Variants in TIMM23B observed in about 807,000 individuals in gnomAD.
TIMM23B encodes the protein translocase of inner mitochondrial membrane 23 homolog B, also known as mitochondrial import inner membrane translocase subunit Tim23B.
A neutral mutation model predicts 27.3 loss-of-function variants in TIMM23B; 27 were observed. The ratio of observed to expected loss-of-function variants is 0.99; its 90% CI spans 0.73 to 1.36. The LOEUF is 1.36. Among genes scored for constraint, TIMM23B ranks in the 40% most tolerant of loss-of-function variants. The probability of loss-of-function intolerance (pLI) is 0.00; values close to 1 mark genes in which losing one functional copy is unlikely to be tolerated. For missense variants in TIMM23B, 205 were observed against 244.2 expected (o/e 0.84, Z 1.07); for synonymous variants, 73 against 92.4 (o/e 0.79, Z 1.21).
intron 1 of TIMM23B, among the ~76,000 whole-genome samples, chr10:49,943,795 AATACTGAGGT>A (rs1267672352): frequency 7.0e-6 from 1 of 142,822 alleles, no homozygotes; most frequent in African/African-American, 2.7e-5. Context: ...GAGCTTACAT[AATACTGAGGT>A]AAACCAACAA....
At chr10:49,946,167 G>T (rs1307172240) in intron 2 of TIMM23B, among the ~76,000 whole-genome samples, 1 of 148,200 alleles carries the variant, frequency 6.7e-6, no homozygotes, top group Non-Finnish European at 1.5e-5. Context: ...TCCAGCCTGG[G>T]CAACAGAGTA....
At chr10:49,950,907 C>G (rs1201634614) in intron 2 of TIMM23B, among the ~76,000 whole-genome samples, 1 of 152,172 alleles carries the variant, frequency 6.6e-6, no homozygotes, top group African/African-American at 2.4e-5. Flanking sequence ...TTCTTCTCAG[C>G]AACCATGGCC....
intron 2 of TIMM23B, 39 bp downstream of exon 2, chr10:49,945,129 C>T: frequency 6.2e-7 from 1 of 1,608,280 alleles, no homozygotes; most frequent in Non-Finnish European, 8.5e-7. Flanking sequence ...CATTATTTTA[C>T]CATTTTTAAA....
intron 5 of TIMM23B, among the ~76,000 whole-genome samples, chr10:49,956,329 G>A (rs1265624899): frequency 2.0e-5 from 3 of 151,694 alleles, no homozygotes; most frequent in Admixed American, 1.3e-4. Flanking sequence ...AGATGGCTTG[G>A]GGGAAGATAC....
chr10:49,944,873 C>G (rs1839306705), intron 1 of TIMM23B, among the ~76,000 whole-genome samples, 159 bp from the exon 2 acceptor site: 1 of 152,058 alleles, frequency 6.6e-6, no homozygotes, highest in African/African-American at 2.4e-5. Context: ...GAGTCAGCCC[C>G]CAAACTGACA....
intron 6 of TIMM23B, among the ~76,000 whole-genome samples, chr10:49,962,428 C>T (rs1376707235): frequency 6.6e-6 from 1 of 152,036 alleles, no homozygotes; most frequent in African/African-American, 2.4e-5. Context: ...TTCTCGATCC[C>T]CTGACCTCAT....
intron 2 of TIMM23B, among the ~76,000 whole-genome samples, chr10:49,948,565 A>G (rs1482252573): frequency 6.6e-6 from 1 of 152,252 alleles, no homozygotes; most frequent in Non-Finnish European, 1.5e-5. Context: ...TTATGCTACA[A>G]TATAAATGAA....
At chr10:49,967,326 A>G (rs1479007855) in intron 6 of TIMM23B, among the ~76,000 whole-genome samples, 4 of 152,244 alleles carry the variant, frequency 2.6e-5, no homozygotes, top group South Asian at 2.1e-4. Flanking sequence ...CAGTGGTGCT[A>G]TACTTAGAGT....
chr10:49,954,980 C>T (rs1165105429), intron 4 of TIMM23B, 22 bp from the exon 5 acceptor site: 45 of 1,611,690 alleles, frequency 2.8e-5, no homozygotes, highest in Non-Finnish European at 3.7e-5. Context: ...AATACAGATT[C>T]TTTCTCTTTC....
At chr10:49,943,737 G>GTTTTTTTTTTTTTT (rs35547755) in intron 1 of TIMM23B, among the ~76,000 whole-genome samples, 2 of 113,612 alleles carry the variant, frequency 1.8e-5, no homozygotes, top group East Asian at 2.4e-4. Context: ...GTTTTTGTGG[G>GTTTTTTTTTTTTTT]TTTTTTTTTT....
intron 6 of TIMM23B, among the ~76,000 whole-genome samples, chr10:49,972,042 T>G (rs1702779178): frequency 6.6e-6 from 1 of 152,238 alleles, no homozygotes; most frequent in African/African-American, 2.4e-5. Flanking sequence ...AATAAACATT[T>G]GGTTTTTATA....
intron 2 of TIMM23B, among the ~76,000 whole-genome samples, chr10:49,951,750 C>G (rs1363511788): frequency 5.3e-5 from 8 of 152,192 alleles, no homozygotes; most frequent in African/African-American, 1.9e-4. Flanking sequence ...GAAAAATGCA[C>G]AATAAATAGC....
chr10:49,964,619 G>T (rs1840053870), intron 6 of TIMM23B, among the ~76,000 whole-genome samples: 1 of 146,714 alleles, frequency 6.8e-6, no homozygotes, highest in African/African-American at 2.5e-5. Flanking sequence ...GAAATGAAAT[G>T]AAATGAAAAA....
At chr10:49,961,324 G>C (rs1390629811) in intron 6 of TIMM23B, among the ~76,000 whole-genome samples, 1 of 148,256 alleles carries the variant, frequency 6.7e-6, no homozygotes, top group South Asian at 2.2e-4. Context: ...TGGAGGTTGC[G>C]GTGAGGCAAG....
rs1839554919 is a variant in TIMM23B at position 49,952,226 on chromosome 10, G to A, written c.259+7G>A. On this transcript the variant is annotated splice_region_variant and intron_variant, in intron 3 of 6. Transcript: ENST00000651259. The stretch of plus-strand genomic sequence containing the variant: ...GGAGGGTGTTGCATGACAGGTGAGT[G>A]TTACATACTTTTTTCTCAAGAGTGC... 2 of 1,603,272 alleles carry A rather than the reference G, an allele frequency of 1.2e-6. No homozygotes were observed. Among genetic ancestry groups the A allele is most frequent in the African/African-American group, 2.7e-5 (2 of 74,628 alleles).
In TIMM23B at chr10:49,957,021, C is replaced by T. The variant is rs1468317787; in HGVS notation, c.404-1349C>T. Among the ~76,000 whole-genome samples, 13 of 148,734 alleles carry T rather than the reference C, an allele frequency of 8.7e-5. 1 individual carries two copies. Among genetic ancestry groups the T allele is most frequent in the Admixed American group, 4.7e-4 (7 of 14,894 alleles). On this transcript the variant is annotated intron_variant, in intron 5 of 6. Coordinates refer to ENST00000651259, the MANE Select transcript of TIMM23B (RefSeq NM_001290117.2). ...AGTTGGGTGTCCTCCTGTTTCACTT[C>T]TGCCTGGAGATAGCATTAGATCAGC...
chr10:49,961,181 C>G (rs1427843020), intron 6 of TIMM23B, among the ~76,000 whole-genome samples: 2 of 149,354 alleles, frequency 1.3e-5, no homozygotes, highest in Non-Finnish European at 3.0e-5. Context: ...GTCAGGAGTT[C>G]GAGACCAGCC....
intron 6 of TIMM23B, among the ~76,000 whole-genome samples, chr10:49,960,273 A>G (rs1355283622): frequency 1.5e-4 from 22 of 148,086 alleles, no homozygotes; most frequent in Non-Finnish European, 2.5e-4. Flanking sequence ...CTGGTCTTGA[A>G]CTCCTGGGCT....
chr10:49,948,921 C>CT (rs1304528765), intron 2 of TIMM23B, among the ~76,000 whole-genome samples: 1 of 152,224 alleles, frequency 6.6e-6, no homozygotes, highest in Non-Finnish European at 1.5e-5. Flanking sequence ...AAGTCTCACT[C>CT]TGTCTTCCAG....
Sources: allele counts gnomAD v4.1 joint callset (sites outside exome capture counted in the v4.1 genomes callset), GRCh38; gene constraint gnomAD v4.1.1; transcripts MANE v1.5; gene names NCBI Gene and HGNC (gene_info 2026-07-23, HGNC 2026-07-21).